CRTC1: variants seen among roughly 807,000 people sequenced by gnomAD.
CRTC1 encodes the protein CREB-regulated transcription coactivator 1.
CRTC1 carries 18 observed loss-of-function variants against 66.1 expected under a neutral mutation model. The ratio of observed to expected loss-of-function variants is 0.27; its 90% CI spans 0.19 to 0.40. CRTC1 has a LOEUF of 0.40. Ranked by LOEUF, CRTC1 falls within the 10% of genes least tolerant of loss-of-function variation. The pLI, the probability that CRTC1 is intolerant of heterozygous loss-of-function variation, is 1.00. For synonymous variants in CRTC1, 416 were observed against 398.8 expected (o/e 1.04, Z -0.51); for missense variants, 669 against 887.9 (o/e 0.75, Z 3.13).
At chr19:18,750,320 C>T (rs535608866) in intron 5 of CRTC1, among the ~76,000 whole-genome samples, 15 of 152,324 alleles carry the variant, frequency 9.8e-5, no homozygotes, top group African/African-American at 3.4e-4. Context: ...GAACTCTCCT[C>T]GCCTGCAGCC....
chr19:18,739,383 G>A (rs2054065579), intron 1 of CRTC1, among the ~76,000 whole-genome samples: 1 of 152,256 alleles, frequency 6.6e-6, no homozygotes, highest in Admixed American at 6.5e-5. Context: ...GGAAGGGGGT[G>A]GCCAAGCTGC....
Position 18,771,527 on chromosome 19 carries a change from C to T in CRTC1, c.1406C>T (p.Ser469Phe). 1.2e-6 allele frequency: 2 copies of T among 1,613,418 alleles called. No homozygotes were observed. The highest frequency in any genetic ancestry group is 1.7e-6 in the Non-Finnish European group (2 of 1,179,632). ...TCGCCAGTCTCCAATCAAGGCTTCT[C>T]CCCAGGGAGCTCCCCGCAAGTAAGG... The part of the protein sequence containing the change: ...PTSPVSNQGF[S>F]PGSSPQHTST... Residue 469 changes from serine to phenylalanine, a missense_variant, in exon 11 of 14, where the codon TCC becomes TTC. Coordinates refer to ENST00000321949, the MANE Select transcript of CRTC1 (RefSeq NM_015321.3). This position sits in a 1 kb window ranked among gnomAD's most constrained non-coding sequence, Gnocchi z 4.6.
In CRTC1 at chr19:18,768,362, GGGCT is replaced by G; in HGVS notation, c.1012-121_1012-118del. The G allele has an allele frequency of 1.3e-6, 1 of 782,078 alleles. No homozygotes were observed. The highest frequency in any genetic ancestry group is 2.0e-6 in the Non-Finnish European group (1 of 497,254). 48.4% of individuals were successfully genotyped at this position (782,078 alleles called of 1,614,324 possible). ...TCATCGTGAGGAGCACCCAGCCCAG[GGGCT>G]GCCTGTGATCACAGGGCCCTTCCAC... is the stretch of plus-strand genomic sequence containing the variant. On this transcript the variant is annotated intron_variant, in intron 9 of 13. Transcript: ENST00000321949. The surrounding 1 kb of genome is among the most constrained non-coding windows in gnomAD (Gnocchi z 5.6).
chr19:18,708,001 T>C (rs566385387), intron 1 of CRTC1, among the ~76,000 whole-genome samples: 1 of 152,284 alleles, frequency 6.6e-6, no homozygotes, highest in East Asian at 1.9e-4. Flanking sequence ...CTTGCACAGG[T>C]AGTGCTCCAT....
chr19:18,762,809 G>A (rs967018866), intron 8 of CRTC1, among the ~76,000 whole-genome samples: 1 of 152,254 alleles, frequency 6.6e-6, no homozygotes, highest in African/African-American at 2.4e-5. Flanking sequence ...TCCAGGGGTG[G>A]CCGAGAGCTC....
At chr19:18,759,690 C>A in intron 7 of CRTC1, 99 bp downstream of exon 7, 1 of 1,321,682 alleles carries the variant, frequency 7.6e-7, no homozygotes, top group Non-Finnish European at 1.1e-6. Context: ...CAAGTCCCTG[C>A]AAGAGGGACA....
rs186548580 is a variant in CRTC1, at chr19:18,716,087, C to T, written c.127-26823C>T. Among the ~76,000 whole-genome samples, 4 of 152,204 alleles carry T rather than the reference C, an allele frequency of 2.6e-5. No individual in the cohort carries two copies. In the East Asian group the frequency reaches 7.7e-4, roughly 29 times the overall value. ...GGGATGCCTCCGGGATTCCCAGAGT[C>T]ACTGGTGGCATGTGCCCCCCGCTGC... On this transcript the variant is annotated intron_variant, in intron 1 of 13. Transcript: ENST00000321949.
chr19:18,764,576 G>A (rs367702505), intron 8 of CRTC1, among the ~76,000 whole-genome samples: 3 of 152,370 alleles, frequency 2.0e-5, no homozygotes, highest in African/African-American at 7.2e-5. Flanking sequence ...AGGGCCTTCG[G>A]GGCCGGGGTG....
Position 18,755,072 on chromosome 19 carries a change from C to G in CRTC1, c.624+1487C>G, listed in dbSNP as rs920934921. On this transcript the variant is annotated intron_variant, in intron 6 of 13. Coordinates refer to ENST00000321949, the MANE Select transcript of CRTC1 (RefSeq NM_015321.3). The stretch of plus-strand genomic sequence containing the variant: ...GATCTCGGCTCACTGCAACCTCTGC[C>G]TCCCGGGTTCAAGCGAAGTGATTCT... 3.4e-4 allele frequency among the ~76,000 whole-genome samples: 52 copies of G among 151,140 alleles called. 2 individuals are homozygous for G. The highest frequency in any genetic ancestry group is 1.3e-4 in the Admixed American group (2 of 15,156).
At chr19:18,699,387 C>T (rs748605220) in intron 1 of CRTC1, among the ~76,000 whole-genome samples, 6 of 152,276 alleles carry the variant, frequency 3.9e-5, no homozygotes, top group South Asian at 2.1e-4. Context: ...TATACTTGTA[C>T]GGAACACAGT....
At chr19:18,763,984 G>A (rs1310587143) in intron 8 of CRTC1, among the ~76,000 whole-genome samples, 1 of 152,120 alleles carries the variant, frequency 6.6e-6, no homozygotes, top group South Asian at 2.1e-4. Context: ...CTCCCTGGAC[G>A]CCAGGGCCTG....
intron 1 of CRTC1, among the ~76,000 whole-genome samples, chr19:18,734,526 GAA>G (rs112158816): frequency 8.1e-6 from 1 of 122,776 alleles, no homozygotes. Context: ...TCTACAGAAA[GAA>G]AAAAAAAAAA....
chr19:18,773,691 C>T (rs182910124), intron 11 of CRTC1, among the ~76,000 whole-genome samples: 33 of 152,314 alleles, frequency 2.2e-4, no homozygotes, highest in Admixed American at 4.6e-4. Context: ...GCCAAGATAG[C>T]ATTTTTGCCA....
chr19:18,745,311 A>G (rs1020005317), intron 2 of CRTC1, among the ~76,000 whole-genome samples: 13 of 152,188 alleles, frequency 8.5e-5, no homozygotes, highest in Non-Finnish European at 1.3e-4. Context: ...GGGCTCCACA[A>G]GGAAGCCTCC....
At chr19:18,733,310 C>T (rs1025427263) in intron 1 of CRTC1, among the ~76,000 whole-genome samples, 1 of 152,090 alleles carries the variant, frequency 6.6e-6, no homozygotes, top group African/African-American at 2.4e-5. Flanking sequence ...GGAGGGAGGC[C>T]CCTGTGAGCC....
At chr19:18,733,925 A>G (rs1303528868) in intron 1 of CRTC1, among the ~76,000 whole-genome samples, 3 of 152,256 alleles carry the variant, frequency 2.0e-5, no homozygotes, top group East Asian at 3.9e-4. Context: ...CCTGGCCAAC[A>G]TGGTGAAACC....
Position 18,771,304 on chromosome 19 carries a change from T to TG in CRTC1, c.1321-134dup. 1 of 647,338 alleles carries TG rather than the reference T, an allele frequency of 1.5e-6. No individual in the cohort carries two copies. The highest frequency in any genetic ancestry group is 2.6e-6 in the Non-Finnish European group (1 of 383,572). The allele number at this position is 647,338 out of a possible 1,614,324, so 40.1% of individuals were successfully genotyped here. ...GTGTCCAGGCTCCTCTGCCTACCAGTGGGGTGGCGACCATCACCAAGGTGT... is the reference window on the plus strand; with the variant it reads ...GTGTCCAGGCTCCTCTGCCTACCAGTGGGGGTGGCGACCATCACCAAGGTGT... On this transcript the variant is annotated intron_variant, in intron 10 of 13. Coordinates refer to ENST00000321949, the MANE Select transcript of CRTC1 (RefSeq NM_015321.3). This position sits in a 1 kb window ranked among gnomAD's most constrained non-coding sequence, Gnocchi z 4.6.
At chr19:18,700,930 C>T (rs11085240) in intron 1 of CRTC1, among the ~76,000 whole-genome samples, 38,142 of 152,230 alleles carry the variant, frequency 0.25, 5,423 homozygotes, top group East Asian at 0.6. Flanking sequence ...CGCATCTGTG[C>T]GCATCCCGCT....
At chr19:18,693,771 T>C (rs939230586) in intron 1 of CRTC1, among the ~76,000 whole-genome samples, 1 of 148,778 alleles carries the variant, frequency 6.7e-6, no homozygotes, top group South Asian at 2.3e-4. Context: ...TGAGCCACCA[T>C]TCCCGGCCCG....
Sources: gnomAD v4.1 joint callset for allele counts (sites outside exome capture counted in the v4.1 genomes callset) on GRCh38, gnomAD v4.1.1 for gene constraint, Gnocchi (gnomAD v3.1) non-coding constraint, MANE v1.5 for transcripts, NCBI Gene and HGNC (gene_info 2026-07-23, HGNC 2026-07-21) for gene names.